Variants in ELAPOR2 observed in about 807,000 individuals in gnomAD.
ELAPOR2 encodes the protein endosome-lysosome associated apoptosis and autophagy regulator family member 2, also known as endosome/lysosome-associated apoptosis and autophagy regulator family member 2.
ELAPOR2 carries 89 observed loss-of-function variants against 120.7 expected under a neutral mutation model. The ratio of observed to expected loss-of-function variants is 0.74; its 90% CI spans 0.62 to 0.88. The LOEUF (loss-of-function observed/expected upper bound fraction) is 0.88, where lower values mean the gene tolerates loss of function less well. ELAPOR2 is among the 40% of genes least tolerant of loss of function. The pLI is 0.00. For missense variants in ELAPOR2, 1,134 were observed against 1,251.6 expected (o/e 0.91, Z 1.42); for synonymous variants, 444 against 444.9 (o/e 1.00, Z 0.03).
chr7:86,913,925 G>A (rs1055736140), intron 13 of ELAPOR2, among the ~76,000 whole-genome samples: 21 of 152,170 alleles, frequency 1.4e-4, no homozygotes, highest in African/African-American at 4.6e-4. Context: ...AAGATAAATG[G>A]AAGGCAAGGA....
chr7:86,887,009 C>T (rs987089907), intron 21 of ELAPOR2, among the ~76,000 whole-genome samples: 11 of 152,132 alleles, frequency 7.2e-5, no homozygotes, highest in Non-Finnish European at 1.0e-4. Flanking sequence ...CATTACCTCC[C>T]TTGATAAACT....
At chr7:87,027,819 C>A (rs1225416265) in intron 1 of ELAPOR2, among the ~76,000 whole-genome samples, 1 of 151,954 alleles carries the variant, frequency 6.6e-6, no homozygotes, top group East Asian at 1.9e-4. Context: ...TGTAAGCCAC[C>A]CAGTTTATGG....
chr7:86,988,439 A>T (rs1425220330), intron 1 of ELAPOR2, among the ~76,000 whole-genome samples: 1 of 152,238 alleles, frequency 6.6e-6, no homozygotes, highest in African/African-American at 2.4e-5. Flanking sequence ...TGTAGCATTT[A>T]CATTGTATTA....
At chr7:87,050,994 G>T (rs988372313) in intron 1 of ELAPOR2, among the ~76,000 whole-genome samples, 5 of 152,180 alleles carry the variant, frequency 3.3e-5, no homozygotes, top group African/African-American at 9.7e-5. Context: ...AGTTCAGTTT[G>T]GTACCTGTCA....
In ELAPOR2 at chr7:86,942,067, G is replaced by T. The variant is rs951104320; in HGVS notation, c.692C>A (p.Thr231Asn). ...NDQCQEMDTT[T>N]DKWVKLTDNG... ...GTCTGTAAGTTTTACCCACTTGTCAGTGGTGGTGTCCATCTCCTGGCACTG... is the reference window on the plus strand; with the variant it reads ...GTCTGTAAGTTTTACCCACTTGTCATTGGTGGTGTCCATCTCCTGGCACTG... Residue 231 changes from threonine to asparagine, a missense_variant, in exon 5 of 22, where the codon ACT becomes AAT. Coordinates refer to ENST00000450689, the MANE Select transcript of ELAPOR2 (RefSeq NM_001142749.3). 3 of 1,549,448 alleles carry T rather than the reference G, an allele frequency of 1.9e-6. No individual in the cohort carries two copies. Among genetic ancestry groups the T allele is most frequent in the Admixed American group, 2.0e-5 (1 of 50,936 alleles).
chr7:86,895,929 A>G (rs1424196208), intron 19 of ELAPOR2, among the ~76,000 whole-genome samples: 1 of 152,156 alleles, frequency 6.6e-6, no homozygotes. Context: ...AAAAAGCATT[A>G]TCATTATTAA....
At chr7:87,016,118 C>A (rs1272006728) in intron 1 of ELAPOR2, among the ~76,000 whole-genome samples, 1 of 152,066 alleles carries the variant, frequency 6.6e-6, no homozygotes, top group Non-Finnish European at 1.5e-5. Flanking sequence ...ACAGAAAATT[C>A]TTAATCTTCA....
In ELAPOR2 at chr7:86,891,758, G is replaced by A. The variant is rs529044207; in HGVS notation, c.2996C>T (p.Ser999Leu). 3 of 1,611,142 alleles carry A rather than the reference G, an allele frequency of 1.9e-6. No homozygotes were observed. Among genetic ancestry groups the A allele is most frequent in the South Asian group, 2.2e-5 (2 of 90,644 alleles). ...EEEVVYSNKQ[S>L]LLGKLKSLAT... ...CAAAGATTTGAGTTTTCCTAGTAGT[G>A]ACTGTTTATTGGAATATACAACTTC... The change falls in exon 21 of 22, where the codon TCA (serine) becomes TTA (leucine). Residue 999 changes from serine to leucine, a missense_variant. Coordinates refer to ENST00000450689, the MANE Select transcript of ELAPOR2 (RefSeq NM_001142749.3).
At chr7:86,978,104 C>A (rs557633954) in intron 1 of ELAPOR2, among the ~76,000 whole-genome samples, 14 of 152,230 alleles carry the variant, frequency 9.2e-5, no homozygotes, top group South Asian at 2.1e-4. Flanking sequence ...ATAATTAAAT[C>A]ATGGGAGCAG....
chr7:87,019,041 C>T (rs566775271), intron 1 of ELAPOR2, among the ~76,000 whole-genome samples: 18 of 152,092 alleles, frequency 1.2e-4, no homozygotes, highest in Non-Finnish European at 2.5e-4. Context: ...GAGATCACTT[C>T]GTTAAGACAT....
intron 12 of ELAPOR2, 59 bp from the exon 13 acceptor site, chr7:86,914,919 T>A: frequency 2.4e-6 from 3 of 1,259,392 alleles, no homozygotes; most frequent in South Asian, 1.4e-5. Context: ...TTAATATACC[T>A]GTGTATATAT....
Position 86,957,358 on chromosome 7 carries a change from C to T in ELAPOR2, c.310+7546G>A, listed in dbSNP as rs1169551458. On this transcript the variant is annotated intron_variant, in intron 2 of 21. Coordinates refer to ENST00000450689, the MANE Select transcript of ELAPOR2 (RefSeq NM_001142749.3). ...TTGTGTTTCACCTACAAAAATAAAACACTAAAGTCAATCTCTAATTTGGTG... is the reference window on the plus strand; with the variant it reads ...TTGTGTTTCACCTACAAAAATAAAATACTAAAGTCAATCTCTAATTTGGTG... 3.3e-5 allele frequency among the ~76,000 whole-genome samples: 5 copies of T among 152,260 alleles called. No individual in the cohort carries two copies. The East Asian group carries it at 9.6e-4, about 29-fold the overall frequency.
At chr7:86,982,973 A>T (rs1319658314) in intron 1 of ELAPOR2, among the ~76,000 whole-genome samples, 1 of 152,240 alleles carries the variant, frequency 6.6e-6, no homozygotes, top group East Asian at 1.9e-4. Flanking sequence ...TAGAAAAAAC[A>T]GTGTAGAGAA....
At chr7:86,952,126 T>C (rs1310295796) in intron 2 of ELAPOR2, among the ~76,000 whole-genome samples, 1 of 152,184 alleles carries the variant, frequency 6.6e-6, no homozygotes, top group Non-Finnish European at 1.5e-5. Context: ...GACTCAGATA[T>C]CTCACCACTC....
intron 18 of ELAPOR2, among the ~76,000 whole-genome samples, chr7:86,906,061 A>G (rs1451284896): frequency 6.6e-6 from 1 of 152,176 alleles, no homozygotes; most frequent in African/African-American, 2.4e-5. Context: ...CTTGAGTTAG[A>G]GGCCTGGAGG....
intron 2 of ELAPOR2, among the ~76,000 whole-genome samples, chr7:86,959,828 A>G (rs1158722508): frequency 2.0e-5 from 3 of 152,118 alleles, no homozygotes; most frequent in African/African-American, 4.8e-5. Flanking sequence ...GCTGCTTGAA[A>G]TATGTCTTTT....
At chr7:87,001,876 T>C (rs1054337103) in intron 1 of ELAPOR2, among the ~76,000 whole-genome samples, 3 of 152,188 alleles carry the variant, frequency 2.0e-5, no homozygotes, top group Middle Eastern at 3.2e-3. Flanking sequence ...GTTAGTCCAC[T>C]GTCCCCTTTA....
intron 1 of ELAPOR2, among the ~76,000 whole-genome samples, chr7:86,999,808 T>C (rs1363542998): frequency 6.6e-6 from 1 of 152,150 alleles, no homozygotes; most frequent in Non-Finnish European, 1.5e-5. Flanking sequence ...CTTGAAATCA[T>C]TTGATGGCAT....
chr7:87,027,351 A>G (rs1794277109), intron 1 of ELAPOR2, among the ~76,000 whole-genome samples: 1 of 152,184 alleles, frequency 6.6e-6, no homozygotes, highest in Non-Finnish European at 1.5e-5. Flanking sequence ...TTCAAATGAC[A>G]CATACGACTG....
Sources: allele counts gnomAD v4.1 joint callset (sites outside exome capture counted in the v4.1 genomes callset), GRCh38; gene constraint gnomAD v4.1.1; transcripts MANE v1.5; gene names NCBI Gene and HGNC (gene_info 2026-07-23, HGNC 2026-07-21).